The following RANBP17 variants were observed in gnomAD, a reference collection of about 807,000 sequenced individuals.
RANBP17 encodes ran-binding protein 17.
A neutral mutation model predicts 141.2 loss-of-function variants in RANBP17; 158 were observed. The ratio of observed to expected loss-of-function variants is 1.12; its 90% confidence interval spans 0.98 to 1.28. RANBP17 has a LOEUF of 1.28. RANBP17 is among the 50% of genes most tolerant of loss of function. The pLI is 0.00. For synonymous variants in RANBP17, 430 were observed against 450.0 expected (o/e 0.96, Z 0.56); for missense variants, 1,438 against 1,290.7 (o/e 1.11, Z -1.75).
intron 16 of RANBP17, among the ~76,000 whole-genome samples, chr5:171,180,360 A>G (rs1346870183): frequency 6.6e-6 from 1 of 152,178 alleles, no homozygotes; most frequent in Non-Finnish European, 1.5e-5. Flanking sequence ...TCTTCTGTTG[A>G]CATGTTCCAT....
intron 24 of RANBP17, among the ~76,000 whole-genome samples, chr5:171,244,119 C>T (rs765359256): frequency 2.2e-4 from 33 of 151,332 alleles, no homozygotes; most frequent in African/African-American, 5.3e-4. Flanking sequence ...TAGCTGGGCA[C>T]GGTGGCTCAT....
At chr5:170,865,824 G>A (rs1011578237) in intron 1 of RANBP17, among the ~76,000 whole-genome samples, 12 of 152,154 alleles carry the variant, frequency 7.9e-5, no homozygotes, top group Non-Finnish European at 1.8e-4. Flanking sequence ...ATACTCAGTT[G>A]CAGTTTGTTA....
At chr5:171,123,597 C>T (rs1756205242) in intron 14 of RANBP17, among the ~76,000 whole-genome samples, 1 of 152,246 alleles carries the variant, frequency 6.6e-6, no homozygotes, top group African/African-American at 2.4e-5. Context: ...AGTACCTGCC[C>T]ACCATTGGCA....
chr5:171,248,551 T>G (rs1765369678), intron 24 of RANBP17, among the ~76,000 whole-genome samples: 2 of 152,100 alleles, frequency 1.3e-5, no homozygotes, highest in African/African-American at 4.8e-5. Flanking sequence ...CTAAACCACA[T>G]GAAAGCTTTT....
chr5:171,181,716 A>G (rs1760871848), intron 16 of RANBP17, among the ~76,000 whole-genome samples: 1 of 152,250 alleles, frequency 6.6e-6, no homozygotes, highest in Non-Finnish European at 1.5e-5. Flanking sequence ...AAAATTATTT[A>G]ATTTTTTTTA....
intron 14 of RANBP17, among the ~76,000 whole-genome samples, chr5:171,076,470 C>T (rs1403096507): frequency 2.6e-5 from 4 of 152,156 alleles, no homozygotes; most frequent in Admixed American, 6.5e-5. Flanking sequence ...AGAACCACTT[C>T]AGCAATAATG....
At chr5:171,286,924 C>T (rs538240768) in intron 25 of RANBP17, among the ~76,000 whole-genome samples, 2 of 152,322 alleles carry the variant, frequency 1.3e-5, no homozygotes, top group South Asian at 4.1e-4. Flanking sequence ...CTACTGTAAG[C>T]AATCATGTTT....
At chr5:171,021,360 G>A (rs1297325505) in intron 14 of RANBP17, among the ~76,000 whole-genome samples, 2 of 152,208 alleles carry the variant, frequency 1.3e-5, no homozygotes, top group African/African-American at 4.8e-5. Flanking sequence ...ATATCCTGAA[G>A]TGTGTTTTCC....
At position 171,089,306 on chromosome 5, in the gene RANBP17, G is replaced by A. The variant is rs10073817; in HGVS notation, c.1711-80824G>A. On this transcript the variant is annotated intron_variant, in intron 14 of 27. Coordinates refer to ENST00000523189, the MANE Select transcript of RANBP17 (RefSeq NM_022897.5). The stretch of plus-strand genomic sequence containing the variant: ...GGTCAGGGACCCACTTGAGGAGGCA[G>A]TCTGCCCGTTCTCAGATCTCCAGCT... Among the ~76,000 whole-genome samples, 651 of 108,438 alleles carry A rather than the reference G, an allele frequency of 6.0e-3. 6 individuals carry two copies. Among genetic ancestry groups the A allele is most frequent in the Middle Eastern group, 0.029 (6 of 208 alleles). 71.1% of individuals were successfully genotyped at this position (108,438 alleles called of 152,430 possible).
intron 20 of RANBP17, among the ~76,000 whole-genome samples, chr5:171,212,823 T>C (rs1762985671): frequency 6.6e-6 from 1 of 152,162 alleles, no homozygotes; most frequent in Non-Finnish European, 1.5e-5. Context: ...AATCCTATAT[T>C]CATATGTCTA....
intron 16 of RANBP17, 34 bp downstream of exon 16, chr5:171,171,320 T>A: frequency 8.2e-7 from 1 of 1,217,420 alleles, no homozygotes; most frequent in Non-Finnish European, 1.2e-6. Context: ...ACATTATGTG[T>A]AAACAACCTA....
intron 14 of RANBP17, among the ~76,000 whole-genome samples, chr5:171,048,637 C>CTACCCT (rs1782750305): frequency 6.6e-6 from 1 of 152,164 alleles, no homozygotes; most frequent in African/African-American, 2.4e-5. Context: ...CTCCCATCCC[C>CTACCCT]TACCCTCCAG....
chr5:171,175,369 T>C (rs1159011128), intron 16 of RANBP17, among the ~76,000 whole-genome samples: 1 of 152,128 alleles, frequency 6.6e-6, no homozygotes, highest in African/African-American at 2.4e-5. Flanking sequence ...CCTTGAGGAA[T>C]TGCCACAGTG....
chr5:171,265,562 G>A lies in RANBP17; in HGVS notation c.2777-119G>A, dbSNP rs935110285. ...ACAAATTCCTGCCCTCAAAGAACTT[G>A]CAATTTGATAAAAGCACTTTGAAAC... is the stretch of plus-strand genomic sequence containing the variant. On this transcript the variant is annotated intron_variant, in intron 24 of 27. Transcript: ENST00000523189. 8.7e-6 allele frequency: 8 copies of A among 924,698 alleles called. No individual in the cohort carries two copies. In the African/African-American group the frequency reaches 1.2e-4, roughly 13 times the overall value. The allele number at this position is 924,698 out of a possible 1,614,324, so 57.3% of individuals were successfully genotyped here.
intron 12 of RANBP17, among the ~76,000 whole-genome samples, chr5:170,933,869 G>T (rs901313468): frequency 1.3e-5 from 2 of 152,286 alleles, no homozygotes; most frequent in African/African-American, 2.4e-5. Context: ...GCGATGTGGT[G>T]CTGAGAAGAA....
chr5:170,928,035 C>T (rs1773066013), intron 12 of RANBP17, among the ~76,000 whole-genome samples: 1 of 152,024 alleles, frequency 6.6e-6, no homozygotes, highest in Admixed American at 6.6e-5. Context: ...CCATCATTTG[C>T]CATCTGTTTA....
intron 14 of RANBP17, among the ~76,000 whole-genome samples, chr5:171,112,896 C>T (rs1316236323): frequency 6.6e-6 from 1 of 151,934 alleles, no homozygotes; most frequent in East Asian, 1.9e-4. Flanking sequence ...AGGAAAAATC[C>T]AGGGCCTTCT....
chr5:171,036,636 A>T (rs1172317034), intron 14 of RANBP17, among the ~76,000 whole-genome samples: 1 of 152,002 alleles, frequency 6.6e-6, no homozygotes, highest in Non-Finnish European at 1.5e-5. Context: ...TGCCATCTGT[A>T]TGTCCGTGGG....
intron 12 of RANBP17, among the ~76,000 whole-genome samples, chr5:170,927,075 G>A (rs1772989240): frequency 6.6e-6 from 1 of 152,068 alleles, no homozygotes; most frequent in African/African-American, 2.4e-5. Context: ...TTCCTGTACA[G>A]ATAAACCTTG....
Sources: gnomAD v4.1 joint callset for allele counts (sites outside exome capture counted in the v4.1 genomes callset) on GRCh38, gnomAD v4.1.1 for gene constraint, MANE v1.5 for transcripts, NCBI Gene and HGNC (gene_info 2026-07-23, HGNC 2026-07-21) for gene names.